The following UTRN variants were observed in gnomAD, a reference collection of about 807,000 sequenced individuals.
UTRN encodes the protein dystrophin-related protein 1.
A neutral mutation model predicts 463.9 loss-of-function variants in UTRN; 283 were observed. The ratio of observed to expected loss-of-function variants is 0.61; its 90% CI spans 0.55 to 0.67. UTRN has a LOEUF of 0.67. UTRN is among the 30% of genes least tolerant of loss of function. UTRN has a pLI of 0.00. For missense variants in UTRN, 3,922 were observed against 4,084.3 expected, an observed-to-expected ratio of 0.96 and a Z score of 1.08; for synonymous variants, 1,442 against 1,431.5, an observed-to-expected ratio of 1.01 and a Z score of -0.17.
At chr6:144,612,038 G>A (rs1460098552) in intron 51 of UTRN, among the ~76,000 whole-genome samples, 2 of 152,078 alleles carry the variant, frequency 1.3e-5, no homozygotes, top group Non-Finnish European at 2.9e-5. Flanking sequence ...GTTGATCCAT[G>A]GAACAAGATA....
intron 2 of UTRN, among the ~76,000 whole-genome samples, chr6:144,327,231 A>G (rs1451500551): frequency 6.6e-6 from 1 of 152,184 alleles, no homozygotes; most frequent in Non-Finnish European, 1.5e-5. Flanking sequence ...GAGGGGTGCC[A>G]GGATCATTTC....
chr6:144,534,689 C>T (rs1307895715), intron 43 of UTRN, among the ~76,000 whole-genome samples: 2 of 151,968 alleles, frequency 1.3e-5, no homozygotes, highest in Non-Finnish European at 2.9e-5. Context: ...ATGTTTAGCA[C>T]TGAAGATACA....
Position 144,459,353 on chromosome 6 carries a change from T to A in UTRN, c.2706T>A (p.Asn902Lys), listed in dbSNP as rs758939357. 11 of 1,578,970 alleles carry A rather than the reference T, an allele frequency of 7.0e-6. No homozygotes were observed. The highest frequency in any genetic ancestry group is 1.7e-6 in the Non-Finnish European group (2 of 1,163,076). ...AVEDRQQHLE[N>K]ELKGQPGHAY... ...AGGATCGTCAACAACATCTAGAGAATGGTAAACCCAACAATTTTAAAATCT... is the reference window on the plus strand; with the variant it reads ...AGGATCGTCAACAACATCTAGAGAAAGGTAAACCCAACAATTTTAAAATCT... Residue 902 changes from asparagine to lysine, a missense_variant and splice_region_variant, in exon 21 of 75, where the codon AAT becomes AAA. Around this residue, in one of 3 missense-constraint regions of UTRN, gnomAD observed 2,349 missense variants for 2,303.8 expected, o/e 1.02. Coordinates refer to ENST00000367545, the MANE Select transcript of UTRN (RefSeq NM_007124.3).
intron 57 of UTRN, among the ~76,000 whole-genome samples, chr6:144,756,142 T>C (rs908626473): frequency 2.6e-5 from 4 of 152,276 alleles, no homozygotes; most frequent in South Asian, 4.1e-4. Flanking sequence ...TAAATAGGTT[T>C]GCTGTATACT....
intron 54 of UTRN, among the ~76,000 whole-genome samples, chr6:144,738,026 A>G (rs1046198117): frequency 6.6e-5 from 10 of 152,182 alleles, no homozygotes; most frequent in Non-Finnish European, 1.5e-4. Context: ...AGAAGATATT[A>G]TGGTGCTGAC....
intron 2 of UTRN, among the ~76,000 whole-genome samples, chr6:144,305,655 T>C (rs1372271567): frequency 2.0e-5 from 3 of 152,218 alleles, no homozygotes; most frequent in African/African-American, 7.2e-5. Context: ...GGGCCACCAT[T>C]GGATCCATAG....
At chr6:144,849,398 A>C (rs570279553) in intron 74 of UTRN, among the ~76,000 whole-genome samples, 2 of 152,288 alleles carry the variant, frequency 1.3e-5, no homozygotes, top group East Asian at 1.9e-4. Context: ...AAATCCTCAG[A>C]TATAATACAA....
chr6:144,340,035 T>C (rs56154144), intron 2 of UTRN, among the ~76,000 whole-genome samples: 9,884 of 152,228 alleles, frequency 0.065, 1,032 homozygotes, highest in African/African-American at 0.22. Flanking sequence ...GGCATGGTGG[T>C]GCCCACCCAT....
intron 2 of UTRN, among the ~76,000 whole-genome samples, chr6:144,293,881 A>G (rs1393335660): frequency 6.7e-6 from 1 of 149,280 alleles, no homozygotes; most frequent in Non-Finnish European, 1.5e-5. Context: ...AAAAAGTGAT[A>G]CAGATGTGTG....
Position 144,658,564 on chromosome 6 carries a change from C to A in UTRN, c.7480-19842C>A, listed in dbSNP as rs892354516. ...GTTCCCCCCCCCACTTTGGTCTATG[C>A]CCTGATGCAAAAAAAGTAAACTTAC... On this transcript the variant is annotated intron_variant, in intron 51 of 74. Coordinates refer to ENST00000367545, the MANE Select transcript of UTRN (RefSeq NM_007124.3). Among the ~76,000 whole-genome samples the A allele has an allele frequency of 2.6e-5, 4 of 152,024 alleles. No homozygotes were observed. In the East Asian group the frequency reaches 7.7e-4, roughly 29 times the overall value.
At chr6:144,552,843 A>G (rs1799044771) in intron 48 of UTRN, among the ~76,000 whole-genome samples, 1 of 152,214 alleles carries the variant, frequency 6.6e-6, no homozygotes, top group African/African-American at 2.4e-5. Context: ...TAGTAATAGA[A>G]TTGGTCATAA....
At chr6:144,489,922 C>T (rs150458256) in intron 30 of UTRN, 149 bp from the exon 31 acceptor site, 3 of 1,215,134 alleles carry the variant, frequency 2.5e-6, no homozygotes, top group Middle Eastern at 3.1e-4. Flanking sequence ...ACCTGGCCTA[C>T]AAAAACTTAT....
At chr6:144,764,561 A>G (rs531153239) in intron 58 of UTRN, among the ~76,000 whole-genome samples, 1 of 152,328 alleles carries the variant, frequency 6.6e-6, no homozygotes, top group South Asian at 2.1e-4. Flanking sequence ...AAGTTCTACC[A>G]TACAATGTAG....
intron 56 of UTRN, among the ~76,000 whole-genome samples, chr6:144,752,769 A>G (rs566006504): frequency 4.5e-4 from 68 of 151,948 alleles, no homozygotes; most frequent in Non-Finnish European, 7.9e-4. Flanking sequence ...CTAATTCATT[A>G]TCTTCATGTG....
chr6:144,765,979 A>G (rs766381361), intron 58 of UTRN, among the ~76,000 whole-genome samples: 4 of 151,786 alleles, frequency 2.6e-5, no homozygotes, highest in Non-Finnish European at 5.9e-5. Context: ...CTGCCTTTAA[A>G]AGCTTAGAGG....
intron 40 of UTRN, among the ~76,000 whole-genome samples, chr6:144,522,705 A>G (rs2128596507): frequency 6.6e-6 from 1 of 152,300 alleles, no homozygotes; most frequent in South Asian, 2.1e-4. Context: ...TGAAAATATC[A>G]CTATTTCCAG....
At chr6:144,742,712 C>G (rs1278572752) in intron 54 of UTRN, among the ~76,000 whole-genome samples, 8 of 152,114 alleles carry the variant, frequency 5.3e-5, no homozygotes, top group Admixed American at 5.2e-4. Flanking sequence ...TATGTATTAA[C>G]TGAGGTTGAA....
At chr6:144,635,514 C>CTTTTTTTTTT (rs1402815648) in intron 51 of UTRN, among the ~76,000 whole-genome samples, 23 of 80,000 alleles carry the variant, frequency 2.9e-4, no homozygotes, top group African/African-American at 3.4e-4. Flanking sequence ...CTTTTTTTTT[C>CTTTTTTTTTT]TTTTTTTTTT....
At chr6:144,768,479 A>G (rs2128731237) in intron 58 of UTRN, among the ~76,000 whole-genome samples, 1 of 152,262 alleles carries the variant, frequency 6.6e-6, no homozygotes, top group African/African-American at 2.4e-5. Flanking sequence ...ATAGGCAAAA[A>G]TCTTAACTCT....
Sources: allele counts gnomAD v4.1 joint callset (sites outside exome capture counted in the v4.1 genomes callset), GRCh38; gene constraint gnomAD v4.1.1; regional missense constraint gnomAD v4.1.1; transcripts MANE v1.5; gene names NCBI Gene and HGNC (gene_info 2026-07-23, HGNC 2026-07-21).